Variants in NAALADL2 observed in about 807,000 individuals in gnomAD.
NAALADL2 encodes the protein inactive N-acetylated-alpha-linked acidic dipeptidase-like protein 2.
A neutral mutation model predicts 87.2 loss-of-function variants in NAALADL2; 76 were observed. That is an observed-to-expected ratio of 0.87 (90% confidence interval 0.72 to 1.05). The LOEUF (loss-of-function observed/expected upper bound fraction) is 1.05, where lower values mean the gene tolerates loss of function less well. Among genes scored for constraint, NAALADL2 ranks in the 50% least tolerant of loss-of-function variants. The pLI is 0.00. For synonymous variants in NAALADL2, 354 were observed against 331.0 expected, an observed-to-expected ratio of 1.07 and a Z score of -0.75; for missense variants, 1,089 against 945.8, an observed-to-expected ratio of 1.15 and a Z score of -1.99.
chr3:175,679,809 T>C (rs1431335334), intron 11 of NAALADL2, among the ~76,000 whole-genome samples: 2 of 152,158 alleles, frequency 1.3e-5, no homozygotes, highest in African/African-American at 2.4e-5. Flanking sequence ...GCTTATGTCA[T>C]GCATTTCAGA....
At chr3:175,397,574 T>C (rs1263765005) in intron 5 of NAALADL2, among the ~76,000 whole-genome samples, 45 of 152,282 alleles carry the variant, frequency 3.0e-4, no homozygotes, top group Non-Finnish European at 4.4e-5. Flanking sequence ...TCTGTTATCT[T>C]GTTGAAAGCA....
intron 10 of NAALADL2, among the ~76,000 whole-genome samples, chr3:175,585,732 T>TA (rs962772448): frequency 4.0e-4 from 60 of 151,366 alleles, no homozygotes; most frequent in Admixed American, 1.2e-3. Flanking sequence ...TTTCCTAAAT[T>TA]AAAAAAAAAT....
chr3:174,591,467 C>A (rs144833293), intron 2 of NAALADL2, among the ~76,000 whole-genome samples: 3 of 152,126 alleles, frequency 2.0e-5, no homozygotes, highest in East Asian at 1.9e-4. Flanking sequence ...TCTATTGATG[C>A]GGGTAAAGGA....
At chr3:175,060,438 C>T (rs1297621316) in intron 1 of NAALADL2, among the ~76,000 whole-genome samples, 1 of 152,102 alleles carries the variant, frequency 6.6e-6, no homozygotes, top group Non-Finnish European at 1.5e-5. Flanking sequence ...GTCAAATATC[C>T]CACAAATGGC....
chr3:174,544,562 G>C (rs201465525), intron 1 of NAALADL2, among the ~76,000 whole-genome samples: 25 of 124,990 alleles, frequency 2.0e-4, no homozygotes, highest in Non-Finnish European at 3.6e-4. Context: ...CTTTTTTTTT[G>C]TTTTCTTTTT....
chr3:175,133,974 GA>G (rs1383591656), intron 2 of NAALADL2, among the ~76,000 whole-genome samples: 1 of 152,064 alleles, frequency 6.6e-6, no homozygotes, highest in Non-Finnish European at 1.5e-5. Flanking sequence ...AGCACATAAT[GA>G]AAATTACTAA....
intron 1 of NAALADL2, among the ~76,000 whole-genome samples, chr3:174,958,084 G>A (rs1405733874): frequency 2.7e-5 from 4 of 150,860 alleles, no homozygotes; most frequent in East Asian, 1.9e-4. Flanking sequence ...CCTCCCCTCC[G>A]GAAGGAACTG....
intron 3 of NAALADL2, among the ~76,000 whole-genome samples, chr3:174,783,892 A>G (rs1414124050): frequency 6.6e-6 from 1 of 152,090 alleles, no homozygotes; most frequent in Non-Finnish European, 1.5e-5. Flanking sequence ...ATACTGATGT[A>G]CAGGTAGAGT....
chr3:175,796,515 TATAA>T (rs1753515489), intron 13 of NAALADL2, among the ~76,000 whole-genome samples: 1 of 152,198 alleles, frequency 6.6e-6, no homozygotes, highest in Non-Finnish European at 1.5e-5. Flanking sequence ...ATATGTGTAG[TATAA>T]ATAGTGTAGC....
chr3:175,523,995 T>C (rs1403669266), intron 9 of NAALADL2, among the ~76,000 whole-genome samples: 2 of 152,218 alleles, frequency 1.3e-5, no homozygotes, highest in East Asian at 3.8e-4. Context: ...TAGTTCTTGT[T>C]TGCTAGCATG....
intron 6 of NAALADL2, among the ~76,000 whole-genome samples, chr3:175,456,706 G>GC (rs1272468282): frequency 6.6e-6 from 1 of 152,032 alleles, no homozygotes; most frequent in African/African-American, 2.4e-5. Flanking sequence ...CACAGATGAT[G>GC]CAACCATCAC....
chr3:174,905,580 C>G (rs571989156), intron 1 of NAALADL2, among the ~76,000 whole-genome samples: 3 of 152,142 alleles, frequency 2.0e-5, no homozygotes, highest in African/African-American at 4.8e-5. Context: ...AAACATGTAA[C>G]TCAAATATGT....
intron 2 of NAALADL2, among the ~76,000 whole-genome samples, chr3:175,171,845 A>G (rs1734883008): frequency 1.3e-5 from 2 of 152,202 alleles, no homozygotes; most frequent in South Asian, 4.1e-4. Flanking sequence ...ATATGTGGAG[A>G]GTTTAAAATG....
chr3:174,970,397 A>G (rs1363633499), intron 1 of NAALADL2, among the ~76,000 whole-genome samples: 1 of 152,116 alleles, frequency 6.6e-6, no homozygotes, highest in Non-Finnish European at 1.5e-5. Context: ...CAGACTAAAG[A>G]CCTGGATTAG....
At chr3:175,336,609 A>C (rs1375362977) in intron 5 of NAALADL2, among the ~76,000 whole-genome samples, 1 of 152,222 alleles carries the variant, frequency 6.6e-6, no homozygotes, top group Non-Finnish European at 1.5e-5. Context: ...GCACCTGCTT[A>C]TGAGTCAGCA....
intron 3 of NAALADL2, among the ~76,000 whole-genome samples, chr3:174,834,582 A>G (rs930537651): frequency 3.9e-5 from 6 of 152,016 alleles, no homozygotes; most frequent in African/African-American, 1.4e-4. Context: ...ACTAGAACTA[A>G]TAAGCAAATT....
At chr3:175,316,423 A>G (rs1759143920) in intron 4 of NAALADL2, among the ~76,000 whole-genome samples, 1 of 152,146 alleles carries the variant, frequency 6.6e-6, no homozygotes, top group Non-Finnish European at 1.5e-5. Flanking sequence ...TATGTCGTTG[A>G]GCATGGCAAA....
At chr3:175,619,741 G>A (rs1343111213) in intron 10 of NAALADL2, among the ~76,000 whole-genome samples, 3 of 152,042 alleles carry the variant, frequency 2.0e-5, no homozygotes, top group African/African-American at 7.2e-5. Flanking sequence ...AGCCCTAACA[G>A]CCATAAAGGA....
At chr3:175,036,332 T>C (rs564620691) in intron 1 of NAALADL2, among the ~76,000 whole-genome samples, 2 of 152,318 alleles carry the variant, frequency 1.3e-5, no homozygotes, top group Admixed American at 1.3e-4. Context: ...TACTGACTTT[T>C]AATTTCTGCT....
Sources: allele counts gnomAD v4.1 joint callset (sites outside exome capture counted in the v4.1 genomes callset), GRCh38; gene constraint gnomAD v4.1.1; transcripts MANE v1.5; gene names NCBI Gene and HGNC (gene_info 2026-07-23, HGNC 2026-07-21).